Variants in OSBPL9 observed in about 807,000 individuals in gnomAD.
The protein encoded by OSBPL9 is oxysterol-binding protein-related protein 9.
A neutral mutation model predicts 106.6 loss-of-function variants in OSBPL9; 40 were observed. The observed-to-expected ratio is 0.38, with a 90% confidence interval of 0.29 to 0.49. The LOEUF (loss-of-function observed/expected upper bound fraction) is 0.49, where lower values mean the gene tolerates loss of function less well. Ranked by LOEUF, OSBPL9 falls within the 20% of genes least tolerant of loss-of-function variation. The probability of loss-of-function intolerance (pLI) is 0.97; values close to 1 mark genes in which losing one functional copy is unlikely to be tolerated. For missense variants in OSBPL9, 609 were observed against 887.2 expected, an observed-to-expected ratio of 0.69 and a Z score of 3.98; for synonymous variants, 269 against 295.4, an observed-to-expected ratio of 0.91 and a Z score of 0.92.
intron 1 of OSBPL9, among the ~76,000 whole-genome samples, chr1:51,634,530 G>A (rs1003578092): frequency 2.0e-5 from 3 of 152,160 alleles, no homozygotes; most frequent in African/African-American, 7.2e-5. Context: ...ATTAACAGGA[G>A]AAAAGGTATA....
At chr1:51,736,396 G>A (rs148675284) in intron 4 of OSBPL9, among the ~76,000 whole-genome samples, 6 of 152,184 alleles carry the variant, frequency 3.9e-5, no homozygotes, top group Middle Eastern at 6.8e-3. Context: ...AGTCAGGGTC[G>A]TTGTTTTATT....
chr1:51,728,741 C>G (rs948261221), intron 4 of OSBPL9, among the ~76,000 whole-genome samples: 20 of 152,098 alleles, frequency 1.3e-4, no homozygotes, highest in Non-Finnish European at 2.4e-4. Context: ...CTCCTGGCCT[C>G]GAATCCTCCC....
intron 1 of OSBPL9, among the ~76,000 whole-genome samples, chr1:51,587,132 G>A (rs1483620986): frequency 6.6e-6 from 1 of 152,142 alleles, no homozygotes; most frequent in African/African-American, 2.4e-5. Flanking sequence ...TTGGGAGGCC[G>A]AGGTGGACAG....
chr1:51,528,033 A>G, the OSBPL9 span, among the ~76,000 whole-genome samples: 1 of 152,008 alleles, frequency 6.6e-6, no homozygotes, highest in Admixed American at 6.6e-5. Context: ...CTGAGGCACG[A>G]GAATCTCTTG....
chr1:51,533,029 ATAATTGGTAATTAT>A, the OSBPL9 span, among the ~76,000 whole-genome samples: 1 of 152,104 alleles, frequency 6.6e-6, no homozygotes, highest in East Asian at 1.9e-4. Flanking sequence ...GTAATTGGTA[ATAATTGGTAATTAT>A]TAATTGGTAA....
chr1:51,533,294 C>T, the OSBPL9 span, among the ~76,000 whole-genome samples: 11 of 151,794 alleles, frequency 7.2e-5, no homozygotes, highest in Non-Finnish European at 1.6e-4. Context: ...CCAGCCTGGG[C>T]AACATGGTGA....
intron 1 of OSBPL9, among the ~76,000 whole-genome samples, chr1:51,638,552 A>G (rs991414842): frequency 1.3e-5 from 2 of 151,816 alleles, no homozygotes; most frequent in Non-Finnish European, 2.9e-5. Flanking sequence ...GTGAGACTCT[A>G]CCTGTATAAA....
chr1:51,776,143 C>T (rs1675023580), intron 14 of OSBPL9, among the ~76,000 whole-genome samples: 1 of 151,966 alleles, frequency 6.6e-6, no homozygotes, highest in Non-Finnish European at 1.5e-5. Flanking sequence ...TGTTGGTTCC[C>T]AGTCTGTATT....
At chr1:51,749,564 G>A (rs1272600326) in intron 7 of OSBPL9, 3 of 399,344 alleles carry the variant, frequency 7.5e-6, no homozygotes, top group Admixed American at 7.3e-5. Flanking sequence ...TCCTTCCTTG[G>A]CCTACCAAAG....
chr1:51,657,860 G>A (rs931454273), intron 2 of OSBPL9, among the ~76,000 whole-genome samples: 8 of 152,186 alleles, frequency 5.3e-5, no homozygotes, highest in African/African-American at 1.7e-4. Flanking sequence ...CACTTTGGGA[G>A]GCTGATTCAG....
intron 1 of OSBPL9, among the ~76,000 whole-genome samples, chr1:51,590,720 G>A (rs1645270910): frequency 1.3e-5 from 2 of 151,524 alleles, no homozygotes; most frequent in African/African-American, 4.8e-5. Flanking sequence ...AAATAAAGAA[G>A]ATGAGGGAAA....
rs577823935 is a variant in OSBPL9, at chr1:51,630,785, T to A, written c.111+13564T>A. 3.9e-5 allele frequency among the ~76,000 whole-genome samples: 6 copies of A among 152,376 alleles called. No individual in the cohort carries two copies. The South Asian group carries it at 1.2e-3, about 32-fold the overall frequency. ...ATTTTTTTAAAACACCTTTAATTTT[T>A]GTTTTAACTTTTTGACTCCTTCGTA... On this transcript the variant is annotated intron_variant, in intron 1 of 23. Coordinates refer to ENST00000428468, the MANE Select transcript of OSBPL9 (RefSeq NM_024586.6).
At position 51,787,951 on chromosome 1, in the gene OSBPL9, G is replaced by C. The variant is rs1678105751; in HGVS notation, c.*162G>C. The C allele has an allele frequency of 1.3e-5, 8 of 611,218 alleles. No individual in the cohort carries two copies. Among genetic ancestry groups the C allele is most frequent in the Non-Finnish European group, 2.2e-5 (8 of 358,918 alleles). 37.9% of individuals were successfully genotyped at this position (611,218 alleles called of 1,614,324 possible). On this transcript the variant is annotated 3_prime_UTR_variant, in exon 24 of 24. Coordinates refer to ENST00000428468, the MANE Select transcript of OSBPL9 (RefSeq NM_024586.6). Reference sequence around the variant, plus strand: ...TCTGACGCAGATGAACAATTAAGGGGAAAAGCTTCCCTTTTCCCTCTGTGG... The same window carrying C: ...TCTGACGCAGATGAACAATTAAGGGCAAAAGCTTCCCTTTTCCCTCTGTGG...
chr1:51,566,615 C>T, the OSBPL9 span: 1 of 152,260 alleles, frequency 6.6e-6, no homozygotes, highest in Non-Finnish European at 1.5e-5. Flanking sequence ...ATGCACCAGA[C>T]CCTCAGTTCC....
chr1:51,518,491 G>C, the OSBPL9 span: 1 of 153,100 alleles, frequency 6.5e-6, no homozygotes, highest in Non-Finnish European at 1.5e-5. Context: ...GACGTGGGTG[G>C]CAAAAGGCTG....
In OSBPL9 at chr1:51,772,062, T is replaced by G. The variant is rs753615052; in HGVS notation, c.939-8T>G. 2.1e-5 allele frequency: 33 copies of G among 1,603,720 alleles called. No homozygotes were observed. Among genetic ancestry groups the G allele is most frequent in the Non-Finnish European group, 2.6e-5 (31 of 1,173,900 alleles). Reference sequence around the variant, plus strand: ...TTAGCTTAAATAAGGTAATTAATGTTTTTATAGTTCTTCTGGATCTGCCTC... The same window carrying G: ...TTAGCTTAAATAAGGTAATTAATGTGTTTATAGTTCTTCTGGATCTGCCTC... On this transcript the variant is annotated splice_polypyrimidine_tract_variant and splice_region_variant and intron_variant, in intron 12 of 23. Transcript: ENST00000428468.
At chr1:51,525,600 C>A in the OSBPL9 span, among the ~76,000 whole-genome samples, 3 of 152,104 alleles carry the variant, frequency 2.0e-5, no homozygotes, top group African/African-American at 7.2e-5. Context: ...AAAGTTCTGT[C>A]GGCTCGATCT....
chr1:51,749,319 A>T (rs1380945332), intron 7 of OSBPL9, among the ~76,000 whole-genome samples: 1 of 150,762 alleles, frequency 6.6e-6, no homozygotes, highest in East Asian at 1.9e-4. Flanking sequence ...AAGTCTTTTT[A>T]TTTTTTTTTA....
chr1:51,638,526 C>T lies in OSBPL9; in HGVS notation c.112-13465C>T, dbSNP rs377198845. Among the ~76,000 whole-genome samples, 113 of 151,526 alleles carry T rather than the reference C, an allele frequency of 7.5e-4. 1 individual carries two copies. Among genetic ancestry groups the T allele is most frequent in the African/African-American group, 2.7e-3 (111 of 41,270 alleles). On this transcript the variant is annotated intron_variant, in intron 1 of 23. Transcript: ENST00000428468. ...CTGCTTGAGGCCAGGAATTTGAGAC[C>T]AGCCTGAGCAACATAGTGAGACTCT...
Sources: gnomAD v4.1 joint callset for allele counts (sites outside exome capture counted in the v4.1 genomes callset) on GRCh38, gnomAD v4.1.1 for gene constraint, MANE v1.5 for transcripts, NCBI Gene and HGNC (gene_info 2026-07-23, HGNC 2026-07-21) for gene names.